Variants in EFCAB7 observed in about 807,000 individuals in gnomAD.
EFCAB7 encodes the protein EF-hand calcium-binding domain-containing protein 7.
Under a neutral mutation model 77.1 loss-of-function variants are expected in EFCAB7, and 66 were observed. The ratio of observed to expected loss-of-function variants is 0.86; its 90% CI spans 0.70 to 1.05. The LOEUF is 1.05. Ranked by LOEUF, EFCAB7 falls within the 50% of genes least tolerant of loss-of-function variation. The pLI is 0.00. For synonymous variants in EFCAB7, 225 were observed against 243.3 expected, an observed-to-expected ratio of 0.92 and a Z score of 0.70; for missense variants, 638 against 730.5, an observed-to-expected ratio of 0.87 and a Z score of 1.46.
intron 6 of EFCAB7, among the ~76,000 whole-genome samples, chr1:63,537,322 C>T (rs1458848292): frequency 6.6e-6 from 1 of 152,052 alleles, no homozygotes; most frequent in African/African-American, 2.4e-5. Flanking sequence ...TGCAATACTT[C>T]CTATATTCAG....
At chr1:63,571,457 T>C (rs992906484) in intron 13 of EFCAB7, among the ~76,000 whole-genome samples, 1 of 151,926 alleles carries the variant, frequency 6.6e-6, no homozygotes, top group Non-Finnish European at 1.5e-5. Context: ...GTGGATCACC[T>C]GAGGTCAGGA....
At chr1:63,553,691 A>C (rs771940131) in intron 8 of EFCAB7, among the ~76,000 whole-genome samples, 1 of 152,186 alleles carries the variant, frequency 6.6e-6, no homozygotes, top group Non-Finnish European at 1.5e-5. Context: ...CTTGTATCAA[A>C]ATAGGACCTG....
Position 63,564,090 on chromosome 1 carries a change from A to G in EFCAB7, c.1497+2233A>G, listed in dbSNP as rs1178025771. Reference sequence around the variant, plus strand: ...ACATAACTTTTTATTTCCCTTTTGTATATGTTAACAGGTAGTTGAGAGCTA... The same window carrying G: ...ACATAACTTTTTATTTCCCTTTTGTGTATGTTAACAGGTAGTTGAGAGCTA... On this transcript the variant is annotated intron_variant, in intron 11 of 13. Transcript: ENST00000371088. Among the ~76,000 whole-genome samples, 6 of 152,076 alleles carry G rather than the reference A, an allele frequency of 3.9e-5. No homozygotes were observed. In the South Asian group the frequency reaches 1.0e-3, roughly 26 times the overall value.
At chr1:63,575,199 AAAGTTT>A (rs953482374), downstream of EFCAB7, among the ~76,000 whole-genome samples, 4 of 152,110 alleles carry the variant, frequency 2.6e-5, no homozygotes, top group African/African-American at 7.2e-5. Flanking sequence ...AAACAAATTT[AAAGTTT>A]AAGTATCAAG....
intron 5 of EFCAB7, 66 bp downstream of exon 5, chr1:63,533,715 C>A: frequency 8.0e-7 from 1 of 1,245,524 alleles, no homozygotes; most frequent in Non-Finnish European, 1.1e-6. Flanking sequence ...ATAAATTTTT[C>A]CTTCCATTTC....
chr1:63,576,576 T>C (rs1263446512), downstream of EFCAB7, among the ~76,000 whole-genome samples: 1 of 151,426 alleles, frequency 6.6e-6, no homozygotes, highest in African/African-American at 2.4e-5. Flanking sequence ...TCCCAGCACT[T>C]TGGGAGGCTG....
intron 6 of EFCAB7, 59 bp downstream of exon 6, chr1:63,534,275 T>TTAA (rs1646737302): frequency 1.3e-6 from 2 of 1,498,690 alleles, no homozygotes; most frequent in African/African-American, 2.8e-5. Flanking sequence ...ATTAAGTTTA[T>TTAA]TAATAACTGT....
chr1:63,582,412 G>T, the EFCAB7 span, among the ~76,000 whole-genome samples: 1 of 152,210 alleles, frequency 6.6e-6, no homozygotes, highest in South Asian at 2.1e-4. Context: ...TGTAAAAACA[G>T]AAAAGGAAAT....
downstream of EFCAB7, among the ~76,000 whole-genome samples, chr1:63,575,358 T>G (rs1003133199): frequency 5.3e-5 from 8 of 152,060 alleles, 1 homozygote; most frequent in Admixed American, 4.6e-4. Context: ...AGGTTAAATA[T>G]GAAGCAGAAA....
At chr1:63,561,603 G>A (rs770383129) in intron 10 of EFCAB7, 106 bp from the exon 11 acceptor site, 84 of 638,892 alleles carry the variant, frequency 1.3e-4, no homozygotes, top group Non-Finnish European at 1.9e-4. Context: ...AGATTCATAG[G>A]CCTCTTTTAA....
the EFCAB7 span, among the ~76,000 whole-genome samples, chr1:63,578,915 A>G: frequency 3.1e-3 from 469 of 152,352 alleles, 2 homozygotes; most frequent in African/African-American, 0.011. Flanking sequence ...CCTGTAACAT[A>G]CATTTTTTAA....
chr1:63,573,728 T>C (rs953915739), downstream of EFCAB7, among the ~76,000 whole-genome samples: 2 of 152,164 alleles, frequency 1.3e-5, no homozygotes, highest in African/African-American at 4.8e-5. Context: ...GACTGAGGCC[T>C]ACTAAAAAGG....
intron 6 of EFCAB7, 78 bp from the exon 7 acceptor site, chr1:63,545,836 CCT>C: frequency 8.7e-7 from 1 of 1,148,904 alleles, no homozygotes; most frequent in Admixed American, 2.1e-5. Context: ...TTTATATCCC[CCT>C]GTGTTTTCTC....
downstream of EFCAB7, among the ~76,000 whole-genome samples, chr1:63,573,943 C>T (rs1174925587): frequency 3.3e-5 from 5 of 152,056 alleles, no homozygotes; most frequent in South Asian, 2.1e-4. Context: ...TAATAAAGGC[C>T]GGTCAGTTAT....
intron 12 of EFCAB7, 101 bp from the exon 13 acceptor site, chr1:63,570,920 A>G: frequency 1.4e-6 from 1 of 716,254 alleles, no homozygotes. Context: ...GTAGTGCACT[A>G]TATGATGTTA....
At chr1:63,559,670 C>T (rs1222934321) in intron 10 of EFCAB7, among the ~76,000 whole-genome samples, 1 of 152,032 alleles carries the variant, frequency 6.6e-6, no homozygotes, top group Middle Eastern at 3.2e-3. Context: ...CCATGTTGCC[C>T]AGGCTGGTCT....
intron 12 of EFCAB7, chr1:63,569,753 GAGTTTAGACTTGATTAACTA>G (rs1249355595): frequency 1.3e-5 from 2 of 152,170 alleles, no homozygotes; most frequent in African/African-American, 4.8e-5. Context: ...CGAGATAGAG[GAGTTTAGACTTGATTAACTA>G]AGCTTGGGTC....
At chr1:63,568,851 G>T (rs5022312) in intron 12 of EFCAB7, 29,707 of 167,108 alleles carry the variant, frequency 0.18, 2,750 homozygotes, top group Middle Eastern at 0.26. Context: ...TTTAATAATA[G>T]ATATCATGTT....
intron 6 of EFCAB7, among the ~76,000 whole-genome samples, chr1:63,543,416 A>T (rs551116146): frequency 2.6e-5 from 4 of 152,316 alleles, no homozygotes; most frequent in African/African-American, 9.6e-5. Context: ...AATATTTTGG[A>T]TATAAAATTA....
Sources: gnomAD v4.1 joint callset for allele counts (sites outside exome capture counted in the v4.1 genomes callset) on GRCh38, gnomAD v4.1.1 for gene constraint, MANE v1.5 for transcripts, NCBI Gene and HGNC (gene_info 2026-07-23, HGNC 2026-07-21) for gene names.